Variants in KIAA1217 observed in about 807,000 individuals in gnomAD.
KIAA1217 encodes the protein sickle tail protein homolog.
Under a neutral mutation model 163.9 loss-of-function variants are expected in KIAA1217, and 88 were observed. That is an observed-to-expected ratio of 0.54 (90% CI 0.45 to 0.64). The LOEUF (loss-of-function observed/expected upper bound fraction) is 0.64. KIAA1217 is among the 30% of genes least tolerant of loss of function. The pLI is 0.00. For missense variants in KIAA1217, 2,372 were observed against 2,475.0 expected (o/e 0.96, Z 0.88); for synonymous variants, 903 against 923.1 (o/e 0.98, Z 0.39).
intron 1 of KIAA1217, among the ~76,000 whole-genome samples, chr10:23,848,680 C>G (rs1279641225): frequency 1.3e-5 from 2 of 152,028 alleles, no homozygotes; most frequent in East Asian, 1.9e-4. Context: ...ACCTCCCTTT[C>G]TCTCATCCCA....
At chr10:24,337,183 G>T (rs2046452765) in intron 2 of KIAA1217, among the ~76,000 whole-genome samples, 1 of 152,210 alleles carries the variant, frequency 6.6e-6, no homozygotes, top group South Asian at 2.1e-4. Flanking sequence ...TTTACATTCA[G>T]AAGGTATTTT....
intron 1 of KIAA1217, among the ~76,000 whole-genome samples, chr10:23,906,894 C>G (rs923987030): frequency 2.0e-5 from 3 of 152,050 alleles, no homozygotes; most frequent in Non-Finnish European, 4.4e-5. Context: ...TCTATACATA[C>G]CTTTTTTGAG....
At chr10:24,184,019 T>C (rs946080179) in intron 2 of KIAA1217, among the ~76,000 whole-genome samples, 1 of 152,200 alleles carries the variant, frequency 6.6e-6, no homozygotes, top group Non-Finnish European at 1.5e-5. Flanking sequence ...CAATCACCCC[T>C]TTCTGAGTGA....
intron 7 of KIAA1217, 102 bp downstream of exon 7, chr10:24,494,706 A>T (rs1365941434): frequency 1.1e-6 from 1 of 875,228 alleles, no homozygotes; most frequent in African/African-American, 1.7e-5. Context: ...TAATCATTTC[A>T]AGGCTGAAAA....
chr10:24,404,222 A>G (rs1300275162), intron 3 of KIAA1217, among the ~76,000 whole-genome samples: 2 of 152,256 alleles, frequency 1.3e-5, no homozygotes, highest in East Asian at 1.9e-4. Flanking sequence ...TGGCCTCCCA[A>G]AGTGCTGAGA....
intron 2 of KIAA1217, among the ~76,000 whole-genome samples, chr10:24,269,449 T>C (rs1487393790): frequency 6.6e-6 from 1 of 152,028 alleles, no homozygotes; most frequent in Non-Finnish European, 1.5e-5. Context: ...GCTTGAGCCC[T>C]GGAGTTTGAG....
intron 1 of KIAA1217, among the ~76,000 whole-genome samples, chr10:23,947,036 G>A (rs1215983410): frequency 1.3e-5 from 2 of 152,024 alleles, no homozygotes; most frequent in Admixed American, 6.6e-5. Context: ...TTTGCTTGAC[G>A]CTTCTCCTTG....
chr10:23,939,338 G>A (rs1415406623), intron 1 of KIAA1217, among the ~76,000 whole-genome samples: 3 of 152,182 alleles, frequency 2.0e-5, no homozygotes, highest in African/African-American at 7.2e-5. Flanking sequence ...TATACGGGGA[G>A]GCATGCATGT....
intron 1 of KIAA1217, among the ~76,000 whole-genome samples, chr10:23,738,366 G>A (rs1192986775): frequency 1.3e-5 from 2 of 152,100 alleles, no homozygotes; most frequent in Non-Finnish European, 2.9e-5. Context: ...GCATTGGGCA[G>A]TTTTCTTTCG....
rs869211148 is a variant in KIAA1217, at chr10:24,355,728, C to CTTTTTTTTTTTTTTTTTTTT, written c.355-25122_355-25103dup. ...GAGATGAGCATAGCAAGTCCTCACT[C>CTTTTTTTTTTTTTTTTTTTT]TTTTTTTTTTTTTTTTTTTTTTTTT... On this transcript the variant is annotated intron_variant, in intron 2 of 20. Coordinates refer to ENST00000376454, the MANE Select transcript of KIAA1217 (RefSeq NM_019590.5). Among the ~76,000 whole-genome samples the CTTTTTTTTTTTTTTTTTTTT allele has an allele frequency of 4.0e-4, 13 of 32,218 alleles. 4 individuals are homozygous for CTTTTTTTTTTTTTTTTTTTT. The highest frequency in any genetic ancestry group is 8.2e-4 in the Admixed American group (2 of 2,446). The allele number at this position is 32,218 out of a possible 152,430, so 21.1% of individuals were successfully genotyped here.
chr10:24,039,996 T>G (rs559364124), intron 2 of KIAA1217, among the ~76,000 whole-genome samples: 23 of 152,106 alleles, frequency 1.5e-4, no homozygotes, highest in Non-Finnish European at 3.1e-4. Flanking sequence ...AAGGAAAGTG[T>G]GCTATAATAA....
intron 1 of KIAA1217, among the ~76,000 whole-genome samples, chr10:23,728,928 T>C (rs74676922): frequency 0.02 from 3,090 of 152,312 alleles, 95 homozygotes; most frequent in African/African-American, 0.07. Context: ...TTCGCTGCCC[T>C]AGAATATCCT....
intron 3 of KIAA1217, among the ~76,000 whole-genome samples, chr10:24,405,455 T>C (rs2057104379): frequency 6.6e-6 from 1 of 152,112 alleles, no homozygotes; most frequent in African/African-American, 2.4e-5. Context: ...GTAAGGGGGT[T>C]AAAAGTAAGG....
intron 2 of KIAA1217, among the ~76,000 whole-genome samples, chr10:24,110,012 C>T (rs141806821): frequency 3.6e-3 from 545 of 152,230 alleles, no homozygotes; most frequent in African/African-American, 0.013. Flanking sequence ...ACTACAGGCA[C>T]GCCACTATGC....
intron 1 of KIAA1217, among the ~76,000 whole-genome samples, chr10:23,996,420 C>CT (rs1422883761): frequency 2.6e-5 from 4 of 152,138 alleles, no homozygotes; most frequent in African/African-American, 9.7e-5. Context: ...CCGGTAATTC[C>CT]TTGTGGTGAG....
chr10:24,085,108 G>A (rs555355526), intron 2 of KIAA1217, among the ~76,000 whole-genome samples: 48 of 152,010 alleles, frequency 3.2e-4, no homozygotes, highest in Non-Finnish European at 5.0e-4. Context: ...TAGAGACGGC[G>A]TTTCACCGTG....
chr10:23,869,124 G>GTTTTTTTTTTTTTTTTTTTTTTT lies in KIAA1217; in HGVS notation c.-320-138093_-320-138071dup, dbSNP rs58288361. On this transcript the variant is annotated intron_variant, in intron 1 of 18. Coordinates refer to the KIAA1217 transcript ENST00000376462. ...GTGTAACGTGCAATCATGAAATGTA[G>GTTTTTTTTTTTTTTTTTTTTTTT]TTTTTTTTTTTTTTTTTTTTTTTTT... Among the ~76,000 whole-genome samples, 6 of 31,702 alleles carry GTTTTTTTTTTTTTTTTTTTTTTT rather than the reference G, an allele frequency of 1.9e-4. 2 individuals are homozygous for GTTTTTTTTTTTTTTTTTTTTTTT. The highest frequency in any genetic ancestry group is 7.2e-4 in the African/African-American group (6 of 8,284). The allele number at this position is 31,702 out of a possible 152,430, so 20.8% of individuals were successfully genotyped here. A position where few individuals can be genotyped will look rare whatever the true frequency, so the allele number is the denominator to read the frequency against.
intron 1 of KIAA1217, among the ~76,000 whole-genome samples, chr10:23,729,165 TG>T (rs1296860470): frequency 4.6e-5 from 7 of 152,228 alleles, no homozygotes; most frequent in Admixed American, 4.6e-4. Context: ...TTGCATTGTC[TG>T]GATGTACCAT....
chr10:23,893,937 C>A (rs1841544820), intron 1 of KIAA1217, among the ~76,000 whole-genome samples: 1 of 151,942 alleles, frequency 6.6e-6, no homozygotes, highest in South Asian at 2.1e-4. Context: ...CAAAATTCAA[C>A]AACCCTTCAT....
Sources: gnomAD v4.1 joint callset for allele counts (sites outside exome capture counted in the v4.1 genomes callset) on GRCh38, gnomAD v4.1.1 for gene constraint, MANE v1.5 for transcripts, NCBI Gene and HGNC (gene_info 2026-07-23, HGNC 2026-07-21) for gene names.